CDH12: variants seen among roughly 807,000 people sequenced by gnomAD.
CDH12 encodes cadherin 12.
Under a neutral mutation model 74.1 loss-of-function variants are expected in CDH12, and 41 were observed. That is an observed-to-expected ratio of 0.55 (90% confidence interval 0.43 to 0.72). The LOEUF is 0.72. CDH12 is among the 30% of genes least tolerant of loss of function. CDH12 has a pLI of 0.00. For missense variants in CDH12, 945 were observed against 977.2 expected, an observed-to-expected ratio of 0.97 and a Z score of 0.44; for synonymous variants, 399 against 355.0, an observed-to-expected ratio of 1.12 and a Z score of -1.39.
intron 6 of CDH12, among the ~76,000 whole-genome samples, chr5:21,932,262 C>T (rs1306653650): frequency 6.6e-6 from 1 of 152,156 alleles, no homozygotes; most frequent in Non-Finnish European, 1.5e-5. Context: ...AGACTACAGT[C>T]ATACTTTTTA....
intron 4 of CDH12, among the ~76,000 whole-genome samples, chr5:22,198,305 T>A (rs1308926293): frequency 6.6e-6 from 1 of 151,740 alleles, no homozygotes; most frequent in Non-Finnish European, 1.5e-5. Context: ...ACTTGCATTT[T>A]ATGTAATAAC....
intron 4 of CDH12, among the ~76,000 whole-genome samples, chr5:22,150,308 T>A (rs1373937756): frequency 6.6e-6 from 1 of 152,084 alleles, no homozygotes; most frequent in African/African-American, 2.4e-5. Context: ...TAATGTCTAA[T>A]TTGTTTCACT....
intron 1 of CDH12, among the ~76,000 whole-genome samples, chr5:22,690,247 T>A (rs563988506): frequency 6.6e-6 from 1 of 152,236 alleles, no homozygotes; most frequent in Non-Finnish European, 1.5e-5. Context: ...TTTTAGTGAA[T>A]CTTCTAAATT....
intron 1 of CDH12, among the ~76,000 whole-genome samples, chr5:22,556,570 G>A (rs1035387949): frequency 2.0e-5 from 3 of 152,012 alleles, no homozygotes; most frequent in Admixed American, 1.3e-4. Context: ...GTTATCTGAT[G>A]TTCTATAGCA....
intron 6 of CDH12, among the ~76,000 whole-genome samples, chr5:21,905,917 T>C (rs16888815): frequency 0.16 from 24,128 of 152,120 alleles, 2,091 homozygotes; most frequent in Admixed American, 0.21. Context: ...TTCTTCTGTT[T>C]GTTTCTAAAT....
intron 1 of CDH12, among the ~76,000 whole-genome samples, chr5:22,536,307 T>C (rs945166750): frequency 3.9e-5 from 6 of 152,186 alleles, no homozygotes; most frequent in Admixed American, 1.3e-4. Context: ...ATCCAATTAG[T>C]ATGATTGCTA....
At chr5:22,259,773 G>T (rs765943102) in intron 3 of CDH12, among the ~76,000 whole-genome samples, 1 of 151,000 alleles carries the variant, frequency 6.6e-6, no homozygotes, top group Non-Finnish European at 1.5e-5. Flanking sequence ...AAAGATATTT[G>T]CCTTGGAGAA....
intron 1 of CDH12, among the ~76,000 whole-genome samples, chr5:22,575,398 T>G (rs971898282): frequency 9.6e-6 from 1 of 104,060 alleles, no homozygotes; most frequent in Admixed American, 1.5e-4. Context: ...TTTGAAACAT[T>G]TTTTTTTTTT....
intron 1 of CDH12, among the ~76,000 whole-genome samples, chr5:22,596,591 T>C (rs1299146098): frequency 6.6e-6 from 1 of 152,192 alleles, no homozygotes; most frequent in Non-Finnish European, 1.5e-5. Context: ...ACTAATAATG[T>C]TGGCCAGAAA....
At chr5:22,580,592 G>C (rs114783286) in intron 1 of CDH12, 4 of 473,514 alleles carry the variant, frequency 8.4e-6, no homozygotes, top group African/African-American at 2.0e-5. Flanking sequence ...TAAACTTTTG[G>C]ATTTTTTTAA....
intron 3 of CDH12, among the ~76,000 whole-genome samples, chr5:22,318,547 G>C (rs944136412): frequency 6.6e-6 from 1 of 152,042 alleles, no homozygotes; most frequent in South Asian, 2.1e-4. Context: ...TTATAATTTT[G>C]TTCCCCAAAG....
chr5:22,306,899 G>C (rs192507568), intron 3 of CDH12, among the ~76,000 whole-genome samples: 1,919 of 152,154 alleles, frequency 0.013, 17 homozygotes, highest in Middle Eastern at 0.017. Flanking sequence ...AAATTAGGTG[G>C]GAAAATATCA....
chr5:22,365,264 A>G (rs1404732756), intron 3 of CDH12, among the ~76,000 whole-genome samples: 1 of 152,216 alleles, frequency 6.6e-6, no homozygotes, highest in African/African-American at 2.4e-5. Context: ...CTCAAGTATA[A>G]GCAGCTTTTC....
intron 10 of CDH12, among the ~76,000 whole-genome samples, chr5:21,799,532 C>CA (rs1231931725): frequency 1.3e-5 from 2 of 151,730 alleles, no homozygotes; most frequent in African/African-American, 4.8e-5. Context: ...TCTGCTATTT[C>CA]AAAAAAAGCC....
intron 4 of CDH12, among the ~76,000 whole-genome samples, chr5:22,199,988 C>A (rs1750835011): frequency 6.6e-6 from 1 of 152,128 alleles, no homozygotes; most frequent in Admixed American, 6.6e-5. Flanking sequence ...GCAAGGATTG[C>A]AATTTCCTTT....
intron 3 of CDH12, among the ~76,000 whole-genome samples, chr5:22,357,266 C>T (rs1740603765): frequency 6.6e-6 from 1 of 152,068 alleles, no homozygotes. Context: ...CTTGCAGCTA[C>T]TGTCAATTAT....
At chr5:22,280,688 C>T (rs1736839500) in intron 3 of CDH12, among the ~76,000 whole-genome samples, 1 of 152,238 alleles carries the variant, frequency 6.6e-6, no homozygotes, top group African/African-American at 2.4e-5. Flanking sequence ...AGTTGAATCT[C>T]TGAATAGACC....
chr5:22,614,508 T>C (rs1737587172), intron 1 of CDH12, among the ~76,000 whole-genome samples: 1 of 35,596 alleles, frequency 2.8e-5, no homozygotes, highest in Admixed American at 4.2e-4. Flanking sequence ...AAGGTGCTCA[T>C]GTGGAAAGAG....
chr5:22,682,667 A>T (rs532874729), intron 1 of CDH12, among the ~76,000 whole-genome samples: 1 of 151,828 alleles, frequency 6.6e-6, no homozygotes, highest in Non-Finnish European at 1.5e-5. Flanking sequence ...TAAAACCCTA[A>T]TTTTTCTATA....
Sources: allele counts gnomAD v4.1 joint callset (sites outside exome capture counted in the v4.1 genomes callset), GRCh38; gene constraint gnomAD v4.1.1; transcripts MANE v1.5; gene names NCBI Gene and HGNC (gene_info 2026-07-23, HGNC 2026-07-21).